PRKAR2A: variants seen among roughly 807,000 people sequenced by gnomAD.
PRKAR2A encodes the protein protein kinase cAMP-dependent type II regulatory subunit alpha.
A neutral mutation model predicts 51.9 loss-of-function variants in PRKAR2A; 29 were observed. That is an observed-to-expected ratio of 0.56 (90% confidence interval 0.42 to 0.76). The LOEUF is 0.76. PRKAR2A is among the 30% of genes least tolerant of loss of function. The pLI, the probability that PRKAR2A is intolerant of heterozygous loss-of-function variation, is 0.00. For missense variants in PRKAR2A, 445 were observed against 512.1 expected (o/e 0.87, Z 1.26); for synonymous variants, 178 against 186.2 (o/e 0.96, Z 0.36).
intron 6 of PRKAR2A, among the ~76,000 whole-genome samples, chr3:48,769,351 GT>G (rs1351247646): frequency 6.6e-6 from 1 of 151,566 alleles, no homozygotes; most frequent in Non-Finnish European, 1.5e-5. Flanking sequence ...TAGAGACGGG[GT>G]TTCACCGTGT....
At chr3:48,793,767 C>T (rs2082431889) in intron 3 of PRKAR2A, among the ~76,000 whole-genome samples, 1 of 152,200 alleles carries the variant, frequency 6.6e-6, no homozygotes, top group Non-Finnish European at 1.5e-5. Context: ...GTTCGGATTA[C>T]AGGTGTGAGC....
chr3:48,836,374 G>C (rs1190856260), intron 1 of PRKAR2A, among the ~76,000 whole-genome samples: 1 of 135,782 alleles, frequency 7.4e-6, no homozygotes, highest in African/African-American at 2.8e-5. Flanking sequence ...AGCCAAGATT[G>C]TGCCATTGTG....
At chr3:48,789,400 C>T (rs2082346272) in intron 4 of PRKAR2A, among the ~76,000 whole-genome samples, 1 of 152,096 alleles carries the variant, frequency 6.6e-6, no homozygotes, top group Non-Finnish European at 1.5e-5. Flanking sequence ...GTGGCTGTAA[C>T]TTGTGCAGTC....
chr3:48,790,951 A>G (rs984134903), intron 3 of PRKAR2A, among the ~76,000 whole-genome samples: 1 of 152,154 alleles, frequency 6.6e-6, no homozygotes, highest in Non-Finnish European at 1.5e-5. Flanking sequence ...GACTCAAAAA[A>G]AAAAGAAAAA....
At chr3:48,780,602 CAAAAAAA>C (rs568780150) in intron 5 of PRKAR2A, among the ~76,000 whole-genome samples, 6 of 49,354 alleles carry the variant, frequency 1.2e-4, no homozygotes, top group East Asian at 6.3e-4. Context: ...GACTCCGTCT[CAAAAAAA>C]AAAAAAAAAA....
chr3:48,774,915 A>G (rs1464947137), intron 5 of PRKAR2A, among the ~76,000 whole-genome samples: 1 of 152,130 alleles, frequency 6.6e-6, no homozygotes, highest in Non-Finnish European at 1.5e-5. Flanking sequence ...GTGAAAGCAA[A>G]CATCCTTGCC....
intron 1 of PRKAR2A, among the ~76,000 whole-genome samples, chr3:48,836,004 C>T (rs1005672653): frequency 2.6e-5 from 4 of 151,586 alleles, no homozygotes; most frequent in Admixed American, 1.3e-4. Flanking sequence ...CTTTTTTTTC[C>T]CCATGTTACT....
intron 1 of PRKAR2A, among the ~76,000 whole-genome samples, chr3:48,834,029 C>T (rs1272618678): frequency 3.4e-5 from 5 of 146,114 alleles, no homozygotes; most frequent in Non-Finnish European, 6.0e-5. Context: ...AGCAAGACTC[C>T]GTCTTAAAAA....
chr3:48,752,189 A>G lies in PRKAR2A; in HGVS notation c.1068T>C (p.Asp356=), dbSNP rs762253998. The G allele has an allele frequency of 5.6e-6, 9 of 1,612,640 alleles. No homozygotes were observed. The East Asian group carries it at 6.7e-5, about 12-fold the overall frequency. Residue 356 remains aspartate (D), a synonymous_variant, in exon 10 of 11, where the codon GAT becomes GAC. Coordinates refer to ENST00000265563, the MANE Select transcript of PRKAR2A (RefSeq NM_004157.4). ...PRAASAYAVG[D]VKCLVMDVQA... Reference sequence around the variant, plus strand: ...AACTTTTCTTACCTAAGCATTTGACATCTCCAACTGCATAAGCTGAGGCAG... The same window carrying G: ...AACTTTTCTTACCTAAGCATTTGACGTCTCCAACTGCATAAGCTGAGGCAG...
intron 1 of PRKAR2A, among the ~76,000 whole-genome samples, chr3:48,818,714 A>G (rs2082911503): frequency 6.6e-6 from 1 of 152,164 alleles, no homozygotes; most frequent in African/African-American, 2.4e-5. Flanking sequence ...CTGCACTCCA[A>G]CCTGGGTGAC....
chr3:48,832,621 C>T (rs982891716), intron 1 of PRKAR2A, among the ~76,000 whole-genome samples: 2 of 152,076 alleles, frequency 1.3e-5, no homozygotes, highest in Non-Finnish European at 2.9e-5. Flanking sequence ...TGTCCCAACA[C>T]CTGTAATGAT....
chr3:48,746,255 T>C (rs1419613394), downstream of PRKAR2A, among the ~76,000 whole-genome samples: 1 of 146,094 alleles, frequency 6.8e-6, no homozygotes, highest in African/African-American at 2.5e-5. Flanking sequence ...CTCACACCTA[T>C]AATTCCAGCA....
intron 1 of PRKAR2A, among the ~76,000 whole-genome samples, chr3:48,846,762 G>C (rs2083469573): frequency 6.6e-6 from 1 of 152,192 alleles, no homozygotes; most frequent in Non-Finnish European, 1.5e-5. Flanking sequence ...ACTCAAGTAA[G>C]CAGAGGTGAA....
intron 2 of PRKAR2A, among the ~76,000 whole-genome samples, chr3:48,802,644 A>G (rs2082608321): frequency 1.3e-5 from 2 of 151,594 alleles, no homozygotes; most frequent in South Asian, 4.2e-4. Context: ...TGGAAGTCGC[A>G]GTGAGCCGAG....
At chr3:48,767,560 C>A (rs2081959113) in intron 6 of PRKAR2A, among the ~76,000 whole-genome samples, 1 of 151,976 alleles carries the variant, frequency 6.6e-6, no homozygotes, top group Non-Finnish European at 1.5e-5. Flanking sequence ...GAGGCCAAGG[C>A]AGGAGGATCG....
chr3:48,776,361 G>C (rs1314894765), intron 5 of PRKAR2A, among the ~76,000 whole-genome samples: 1 of 152,038 alleles, frequency 6.6e-6, no homozygotes, highest in Non-Finnish European at 1.5e-5. Flanking sequence ...TACTGCAAAA[G>C]ATGTAATTGC....
intron 2 of PRKAR2A, among the ~76,000 whole-genome samples, chr3:48,800,164 G>A (rs1312676636): frequency 6.6e-6 from 1 of 151,584 alleles, no homozygotes; most frequent in South Asian, 2.1e-4. Flanking sequence ...GCCGACAAAG[G>A]AGGTTTTTAA....
At chr3:48,782,586 G>C (rs527554448) in intron 5 of PRKAR2A, among the ~76,000 whole-genome samples, 1 of 152,248 alleles carries the variant, frequency 6.6e-6, no homozygotes, top group African/African-American at 2.4e-5. Context: ...CTCCCAAGCA[G>C]CTGGGATTAC....
Position 48,749,475 on chromosome 3 carries a change from G to A in PRKAR2A, c.*2110C>T. Reference sequence around the variant, plus strand: ...ACAGTAATTCTATGAAATTGTAAATGATGCCAAATTTTTTTTTTTTTTTTG... The same window carrying A: ...ACAGTAATTCTATGAAATTGTAAATAATGCCAAATTTTTTTTTTTTTTTTG... On this transcript the variant is annotated 3_prime_UTR_variant, in exon 11 of 11. Transcript: ENST00000265563. 6.6e-6 allele frequency: 1 copy of A among 151,676 alleles called. No individual in the cohort carries two copies. Among genetic ancestry groups the A allele is most frequent in the East Asian group, 1.9e-4 (1 of 5,174 alleles). The allele number at this position is 151,676 out of a possible 1,614,324, so 9.4% of individuals were successfully genotyped here.
Sources: gnomAD v4.1 joint callset for allele counts (sites outside exome capture counted in the v4.1 genomes callset) on GRCh38, gnomAD v4.1.1 for gene constraint, MANE v1.5 for transcripts, NCBI Gene and HGNC (gene_info 2026-07-23, HGNC 2026-07-21) for gene names.